Variants in SLC66A2 observed in about 807,000 individuals in gnomAD.
SLC66A2 encodes PQ loop repeat containing 1.
SLC66A2 carries 23 observed loss-of-function variants against 25.5 expected under a neutral mutation model. The observed-to-expected ratio is 0.90, with a 90% CI of 0.65 to 1.28. The LOEUF is 1.28. Among genes scored for constraint, SLC66A2 ranks in the 50% most tolerant of loss-of-function variants. The pLI is 0.00. For missense variants in SLC66A2, 396 were observed against 373.1 expected, an observed-to-expected ratio of 1.06 and a Z score of -0.51; for synonymous variants, 193 against 166.5, an observed-to-expected ratio of 1.16 and a Z score of -1.23.
intron 4 of SLC66A2, among the ~76,000 whole-genome samples, chr18:79,924,305 G>C (rs770092247): frequency 6.6e-6 from 1 of 152,182 alleles, no homozygotes; most frequent in Non-Finnish European, 1.5e-5. Context: ...CCTTGAAACA[G>C]GACACCAAGT....
chr18:79,904,293 C>CCAGGGGGCTAAGGGGACCCCCAGG lies in SLC66A2; in HGVS notation c.609-134_609-111dup, dbSNP rs1343263239. On this transcript the variant is annotated intron_variant, in intron 5 of 5. Coordinates refer to ENST00000397778, the MANE Select transcript of SLC66A2 (RefSeq NM_025078.5). This position sits in a 1 kb window ranked among gnomAD's most constrained non-coding sequence, Gnocchi z 6.3. ...GGGGAGACCTGGGGCTCAGGGGCACCCAGGGGGCTAAGGGGACCCCCAGGC... is the reference window on the plus strand; with the variant it reads ...GGGGAGACCTGGGGCTCAGGGGCACCCAGGGGGCTAAGGGGACCCCCAGGCAGGGGGCTAAGGGGACCCCCAGGC... 196 of 1,004,478 alleles carry CCAGGGGGCTAAGGGGACCCCCAGG rather than the reference C, an allele frequency of 2.0e-4. No homozygotes were observed. In the African/African-American group the frequency reaches 2.8e-3, roughly 14 times the overall value. 62.2% of individuals were successfully genotyped at this position (1,004,478 alleles called of 1,614,324 possible).
chr18:79,918,437 T>G lies in SLC66A2; in HGVS notation c.608+747A>C, dbSNP rs1299937054. Among the ~76,000 whole-genome samples, 178 of 105,938 alleles carry G rather than the reference T, an allele frequency of 1.7e-3. No homozygotes were observed. The highest frequency in any genetic ancestry group is 2.3e-3 in the Non-Finnish European group (107 of 45,646). The allele number at this position is 105,938 out of a possible 152,430, so 69.5% of individuals were successfully genotyped here. A position where few individuals can be genotyped will look rare whatever the true frequency, so the allele number is the denominator to read the frequency against. ...AGCGGGCCCGGGGGGGGGTCCCCAG[T>G]GAGGAGCGGGCACCGGGGAGGGTCC... On this transcript the variant is annotated intron_variant, in intron 5 of 5. Coordinates refer to ENST00000397778, the MANE Select transcript of SLC66A2 (RefSeq NM_025078.5). The surrounding 1 kb of genome is among the most constrained non-coding windows in gnomAD (Gnocchi z 4.0).
intron 5 of SLC66A2, among the ~76,000 whole-genome samples, chr18:79,907,500 C>T (rs769344798): frequency 1.3e-5 from 2 of 151,734 alleles, no homozygotes; most frequent in Admixed American, 1.3e-4. Context: ...TACAGGCGCC[C>T]GCCACCACAC....
intron 2 of SLC66A2, among the ~76,000 whole-genome samples, chr18:79,946,160 T>C (rs2050919065): frequency 6.6e-6 from 1 of 152,172 alleles, no homozygotes; most frequent in Non-Finnish European, 1.5e-5. Context: ...AAACTCGATA[T>C]GCACAGTAAA....
Position 79,927,904 on chromosome 18 carries a change from G to A in SLC66A2, c.391+6065C>T, listed in dbSNP as rs150874925. Among the ~76,000 whole-genome samples the A allele has an allele frequency of 9.5e-4, 144 of 152,340 alleles. No individual in the cohort carries two copies. Among genetic ancestry groups the A allele is most frequent in the African/African-American group, 3.2e-3 (135 of 41,578 alleles). On this transcript the variant is annotated intron_variant, in intron 4 of 5. Coordinates refer to ENST00000397778, the MANE Select transcript of SLC66A2 (RefSeq NM_025078.5). The surrounding 1 kb of genome is among the most constrained non-coding windows in gnomAD (Gnocchi z 6.2). ...GCTGCTGAGACACATTCCTGCAGCC[G>A]CCTCAGCTAGAGCCAGGGAGGCCCT... is the stretch of plus-strand genomic sequence containing the variant.
chr18:79,905,678 G>A (rs1449970240), intron 5 of SLC66A2, among the ~76,000 whole-genome samples: 1 of 152,220 alleles, frequency 6.6e-6, no homozygotes, highest in East Asian at 1.9e-4. Context: ...AACAGAGCTC[G>A]CCTGACCCTC....
At chr18:79,939,379 T>C (rs1856238709) in intron 3 of SLC66A2, among the ~76,000 whole-genome samples, 1 of 152,084 alleles carries the variant, frequency 6.6e-6, no homozygotes, top group Non-Finnish European at 1.5e-5. Flanking sequence ...AAAGCAATAA[T>C]TGACAAAGGG....
chr18:79,947,986 A>C (rs2050990828), intron 2 of SLC66A2, among the ~76,000 whole-genome samples: 1 of 151,788 alleles, frequency 6.6e-6, no homozygotes, highest in Admixed American at 6.6e-5. Context: ...CTCAGGCTGG[A>C]GGGACGCCCA....
chr18:79,927,466 G>C lies in SLC66A2; in HGVS notation c.391+6503C>G, dbSNP rs751806636. ...AGGGACGCAAAAGGATTTTAACAAA[G>C]ACGGCCACACCACCTGCTGCAGAAT... On this transcript the variant is annotated intron_variant, in intron 4 of 5. Coordinates refer to ENST00000397778, the MANE Select transcript of SLC66A2 (RefSeq NM_025078.5). The surrounding 1 kb of genome is among the most constrained non-coding windows in gnomAD (Gnocchi z 6.2). Among the ~76,000 whole-genome samples the C allele has an allele frequency of 6.6e-6, 1 of 152,240 alleles. No individual in the cohort carries two copies. The highest frequency in any genetic ancestry group is 1.5e-5 in the Non-Finnish European group (1 of 68,042).
chr18:79,924,784 A>T lies in SLC66A2; in HGVS notation c.392-5384T>A, dbSNP rs548698733. 4 of 152,352 alleles carry T rather than the reference A, an allele frequency of 2.6e-5. No homozygotes were observed. The East Asian group carries it at 7.7e-4, about 29-fold the overall frequency. The allele number at this position is 152,352 out of a possible 1,614,324, so 9.4% of individuals were successfully genotyped here. On this transcript the variant is annotated intron_variant, in intron 4 of 5. Coordinates refer to ENST00000397778, the MANE Select transcript of SLC66A2 (RefSeq NM_025078.5). ...CCAGCATTTTCTGATGCTGAAGTTG[A>T]AAATAGTTCCTTCAACTCCAAGTCT...
chr18:79,918,671 G>A lies in SLC66A2; in HGVS notation c.608+513C>T, dbSNP rs867205690. 2.6e-5 allele frequency among the ~76,000 whole-genome samples: 4 copies of A among 152,240 alleles called. No homozygotes were observed. The highest frequency in any genetic ancestry group is 4.1e-4 in the South Asian group (2 of 4,838). The stretch of plus-strand genomic sequence containing the variant: ...GGCGGTCACGGGGACGTCCAGGCAC[G>A]CACTGGTGCAGGGCGCCCAGGCATG... On this transcript the variant is annotated intron_variant, in intron 5 of 5. Coordinates refer to ENST00000397778, the MANE Select transcript of SLC66A2 (RefSeq NM_025078.5). This position sits in a 1 kb window ranked among gnomAD's most constrained non-coding sequence, Gnocchi z 4.0.
At chr18:79,929,046 A>G (rs1179405573) in intron 4 of SLC66A2, among the ~76,000 whole-genome samples, 2 of 152,240 alleles carry the variant, frequency 1.3e-5, no homozygotes, top group African/African-American at 4.8e-5. Context: ...CTCCCTGCTT[A>G]GAGCAGGTAC....
chr18:79,909,928 T>C (rs1982776875), intron 5 of SLC66A2, among the ~76,000 whole-genome samples: 1 of 85,330 alleles, frequency 1.2e-5, no homozygotes. Context: ...CCCCACCATC[T>C]CACCACAGTC....
At chr18:79,934,243 A>G (rs1986860545) in intron 3 of SLC66A2, among the ~76,000 whole-genome samples, 1 of 152,212 alleles carries the variant, frequency 6.6e-6, no homozygotes, top group African/African-American at 2.4e-5. Flanking sequence ...AATATCATAA[A>G]AAAGTGAATG....
intron 4 of SLC66A2, among the ~76,000 whole-genome samples, chr18:79,926,541 C>T (rs953423139): frequency 1.3e-5 from 2 of 152,116 alleles, no homozygotes; most frequent in Non-Finnish European, 2.9e-5. Flanking sequence ...GCTCGCAGGA[C>T]GTGAATGGCA....
chr18:79,908,653 C>T (rs1420629366), intron 5 of SLC66A2, among the ~76,000 whole-genome samples: 2 of 152,094 alleles, frequency 1.3e-5, no homozygotes, highest in Non-Finnish European at 2.9e-5. Flanking sequence ...GAATATTAGA[C>T]CCTTTGGAAT....
In SLC66A2 at chr18:79,920,086, A is replaced by G. The variant is rs865973195; in HGVS notation, c.392-686T>C. On this transcript the variant is annotated intron_variant, in intron 4 of 5. Coordinates refer to ENST00000397778, the MANE Select transcript of SLC66A2 (RefSeq NM_025078.5). ...AGGTCAAGGTCAGTGGAGGAGAGACAGGAACCGAGGGAGAGGTCAAGGTCA... is the reference window on the plus strand; with the variant it reads ...AGGTCAAGGTCAGTGGAGGAGAGACGGGAACCGAGGGAGAGGTCAAGGTCA... Among the ~76,000 whole-genome samples the G allele has an allele frequency of 7.4e-4, 21 of 28,228 alleles. 8 individuals are homozygous for G. The African/African-American group carries it at 8.9e-3, about 12-fold the overall frequency. 18.5% of individuals were successfully genotyped at this position (28,228 alleles called of 152,430 possible). A position where few individuals can be genotyped will look rare whatever the true frequency, so the allele number is the denominator to read the frequency against.
intron 4 of SLC66A2, among the ~76,000 whole-genome samples, chr18:79,928,367 A>G (rs1208850659): frequency 1.3e-5 from 2 of 152,232 alleles, no homozygotes; most frequent in African/African-American, 4.8e-5. Context: ...CAGAAACTCA[A>G]GAGCGTTGCT....
chr18:79,910,898 A>C (rs113710775), intron 5 of SLC66A2, among the ~76,000 whole-genome samples: 14 of 152,242 alleles, frequency 9.2e-5, no homozygotes, highest in Non-Finnish European at 4.4e-5. Flanking sequence ...AGTCAAAGCA[A>C]GCAACCCAGA....
Sources: allele counts gnomAD v4.1 joint callset (sites outside exome capture counted in the v4.1 genomes callset), GRCh38; gene constraint gnomAD v4.1.1; non-coding constraint Gnocchi (gnomAD v3.1); transcripts MANE v1.5; gene names NCBI Gene and HGNC (gene_info 2026-07-23, HGNC 2026-07-21).